Variants in CRISP2 observed in about 807,000 individuals in gnomAD.
CRISP2 encodes the protein cysteine rich secretory protein 2, also known as cysteine-rich secretory protein 2.
In CRISP2, 29 loss-of-function variants were observed where a neutral mutation model predicts 31.7. The observed-to-expected ratio is 0.92, with a 90% confidence interval of 0.68 to 1.25. CRISP2 has a LOEUF of 1.25. CRISP2 is among the 50% of genes most tolerant of loss of function. The pLI is 0.00. For synonymous variants in CRISP2, 111 were observed against 101.4 expected (o/e 1.09, Z -0.57); for missense variants, 318 against 286.5 (o/e 1.11, Z -0.79).
rs1202068344 is a variant in CRISP2, at chr6:49,701,713, T to C, written c.67-929A>G. Among the ~76,000 whole-genome samples, 331 of 67,000 alleles carry C rather than the reference T, an allele frequency of 4.9e-3. 8 individuals carry two copies. The highest frequency in any genetic ancestry group is 0.017 in the African/African-American group (301 of 17,918). The allele number at this position is 67,000 out of a possible 152,430, so 44.0% of individuals were successfully genotyped here. ...TATATGTATACATTATGTATACATA[T>C]ATAATGTATATATAATGTATATATA... On this transcript the variant is annotated intron_variant, in intron 4 of 9. Transcript: ENST00000339139.
the CRISP2 span, among the ~76,000 whole-genome samples, chr6:49,680,606 T>C: frequency 5.9e-5 from 9 of 152,226 alleles, no homozygotes; most frequent in African/African-American, 2.2e-4. Context: ...TGAACTAATT[T>C]ACACTCTCAC....
At chr6:49,711,486 C>T (rs1768002370) in intron 2 of CRISP2, among the ~76,000 whole-genome samples, 165 bp from the exon 3 acceptor site, 2 of 152,154 alleles carry the variant, frequency 1.3e-5, no homozygotes, top group African/African-American at 4.8e-5. Context: ...TCTGATAATG[C>T]TTTTGACATT....
downstream of CRISP2, among the ~76,000 whole-genome samples, chr6:49,690,197 G>A (rs974295732): frequency 1.3e-5 from 2 of 152,114 alleles, no homozygotes; most frequent in African/African-American, 4.8e-5. Context: ...CTCCATTCAT[G>A]TGGTAAATAC....
chr6:49,697,407 G>GTGTGTGTGTGTGTGTGTATGT (rs970345647), intron 8 of CRISP2, among the ~76,000 whole-genome samples: 1 of 151,046 alleles, frequency 6.6e-6, no homozygotes, highest in African/African-American at 2.4e-5. Flanking sequence ...TGTGTGTGGT[G>GTGTGTGTGTGTGTGTGTATGT]GTGTGTGTGT....
intron 4 of CRISP2, among the ~76,000 whole-genome samples, chr6:49,701,596 T>TAC (rs1326977500): frequency 4.0e-5 from 3 of 75,774 alleles, no homozygotes; most frequent in South Asian, 4.0e-4. Context: ...TGTATATATA[T>TAC]ACACACACAC....
At chr6:49,693,798 CTCT>C (rs1764292605) in intron 9 of CRISP2, among the ~76,000 whole-genome samples, 1 of 152,020 alleles carries the variant, frequency 6.6e-6, no homozygotes. Flanking sequence ...AAATGTCAAT[CTCT>C]TCTTCAAATT....
chr6:49,687,872 G>A (rs1204935478), downstream of CRISP2, among the ~76,000 whole-genome samples: 1 of 152,146 alleles, frequency 6.6e-6, no homozygotes, highest in African/African-American at 2.4e-5. Context: ...GGCAGGCTTG[G>A]GGGACAGTTA....
chr6:49,698,290 T>G, intron 7 of CRISP2, 72 bp downstream of exon 7: 1 of 1,508,598 alleles, frequency 6.6e-7, no homozygotes, highest in Admixed American at 1.7e-5. Flanking sequence ...AACATTACAG[T>G]GGTCATAATT....
At chr6:49,709,038 C>A in intron 4 of CRISP2, 93 bp downstream of exon 4, 2 of 1,086,666 alleles carry the variant, frequency 1.8e-6, no homozygotes, top group Non-Finnish European at 2.8e-6. Flanking sequence ...CTCTGACATA[C>A]CAAACTCTCT....
chr6:49,697,881 T>C lies in CRISP2; in HGVS notation c.494A>G (p.Tyr165Cys), dbSNP rs1765040658. ...CPNQDSLKYY[Y>C]VCQYCPAGNN... The stretch of plus-strand genomic sequence containing the variant: ...TTACGCAGGACAATATTGGCAAACA[T>C]AGTAGTATTTTAGACTATCTTGATT... Residue 165 changes from tyrosine to cysteine, a missense_variant, in exon 8 of 10, where the codon TAT (tyrosine) becomes TGT (cysteine). By Grantham distance (194) the Tyr-to-Cys change is radical (BLOSUM62 -2). Coordinates refer to ENST00000339139, the MANE Select transcript of CRISP2 (RefSeq NM_003296.4). The C allele has an allele frequency of 6.2e-7, 1 of 1,612,182 alleles. No homozygotes were observed.
the CRISP2 span, among the ~76,000 whole-genome samples, chr6:49,683,742 T>A: frequency 1.0e-3 from 121 of 121,328 alleles, no homozygotes; most frequent in African/African-American, 3.5e-3. Context: ...TAGGACTAAG[T>A]CACTATGTAA....
At position 49,699,787 on chromosome 6, in the gene CRISP2, T is replaced by C. The variant is rs759977107; in HGVS notation, c.271+17A>G. 16 of 1,527,422 alleles carry C rather than the reference T, an allele frequency of 1.0e-5. No individual in the cohort carries two copies. The highest frequency in any genetic ancestry group is 3.4e-5 in the South Asian group (3 of 88,576). 94.6% of individuals were successfully genotyped at this position (1,527,422 alleles called of 1,614,324 possible). The stretch of plus-strand genomic sequence containing the variant: ...TATTCATTTATTTATTCAACAAATA[T>C]TTACTAATTTACATACTGGTTTTGC... On this transcript the variant is annotated intron_variant, in intron 6 of 9. Transcript: ENST00000339139.
chr6:49,692,750 T>G lies in CRISP2; in HGVS notation c.*23A>C. 6.2e-7 allele frequency: 1 copy of G among 1,607,172 alleles called. No individual in the cohort carries two copies. The highest frequency in any genetic ancestry group is 8.5e-7 in the Non-Finnish European group (1 of 1,175,042). On this transcript the variant is annotated 3_prime_UTR_variant, in exon 10 of 10. Transcript: ENST00000339139. ...TGATGCAGCCCTTATCCATGCAGTC[T>G]TGCACAATGCTCACTAGGTAAATCA...
At chr6:49,680,472 C>T in the CRISP2 span, among the ~76,000 whole-genome samples, 88 of 152,138 alleles carry the variant, frequency 5.8e-4, no homozygotes, top group Non-Finnish European at 2.2e-4. Flanking sequence ...TATATGTGCA[C>T]GTGTCTTTAT....
chr6:49,694,552 C>T (rs1393335970), intron 9 of CRISP2, among the ~76,000 whole-genome samples: 1 of 152,068 alleles, frequency 6.6e-6, no homozygotes, highest in Non-Finnish European at 1.5e-5. Context: ...ACCCCACACA[C>T]TTCCTTCTCT....
Position 49,697,922 on chromosome 6 carries a change from T to C in CRISP2, c.453A>G (p.Gly151=). The change falls in exon 8 of 10, where the codon GGA becomes GGG. Residue 151 remains glycine, a synonymous_variant. Transcript: ENST00000339139. ...TATCTTGATTGGGACAGTAGGCAAT[T>C]CCACAGCCTACCTGGTAAGTCGAGT... is the stretch of plus-strand genomic sequence containing the variant. ...VWYSTYQVGC[G]IAYCPNQDSL... 6.2e-7 allele frequency: 1 copy of C among 1,609,710 alleles called. No individual in the cohort carries two copies. Among genetic ancestry groups the C allele is most frequent in the Non-Finnish European group, 8.5e-7 (1 of 1,178,106 alleles).
chr6:49,684,438 A>G, the CRISP2 span, among the ~76,000 whole-genome samples: 8 of 152,272 alleles, frequency 5.3e-5, no homozygotes, highest in South Asian at 1.7e-3. Context: ...ATTTTTGATG[A>G]TCAGTGGTTA....
intron 8 of CRISP2, among the ~76,000 whole-genome samples, chr6:49,696,497 GA>G (rs1178610889): frequency 6.6e-6 from 1 of 151,450 alleles, no homozygotes; most frequent in Non-Finnish European, 1.5e-5. Context: ...GTGTGCTTAG[GA>G]AGGTTTGTGA....
the CRISP2 span, among the ~76,000 whole-genome samples, chr6:49,678,454 C>G: frequency 6.6e-6 from 1 of 152,068 alleles, no homozygotes; most frequent in East Asian, 1.9e-4. Flanking sequence ...AAATTTCCAT[C>G]TTATTACACT....
Sources: gnomAD v4.1 joint callset for allele counts (sites outside exome capture counted in the v4.1 genomes callset) on GRCh38, gnomAD v4.1.1 for gene constraint, MANE v1.5 for transcripts, NCBI Gene and HGNC (gene_info 2026-07-23, HGNC 2026-07-21) for gene names.